The following BICC1 variants were observed in gnomAD, a reference collection of about 807,000 sequenced individuals.
BICC1 encodes protein bicaudal C homolog 1.
In BICC1, 43 loss-of-function variants were observed where a neutral mutation model predicts 111.0. That is an observed-to-expected ratio of 0.39 (90% CI 0.30 to 0.50). The LOEUF is 0.50. BICC1 is among the 20% of genes least tolerant of loss of function. The pLI is 0.88. For missense variants in BICC1, 1,091 were observed against 1,203.2 expected (o/e 0.91, Z 1.38); for synonymous variants, 467 against 434.4 (o/e 1.07, Z -0.93).
chr10:58,689,078 A>AAG (rs1324892255), intron 2 of BICC1, among the ~76,000 whole-genome samples: 1 of 152,162 alleles, frequency 6.6e-6, no homozygotes, highest in African/African-American at 2.4e-5. Context: ...GAAAGAAAGA[A>AAG]AGGTTTTTGG....
intron 2 of BICC1, among the ~76,000 whole-genome samples, chr10:58,693,195 A>C (rs541530443): frequency 1.3e-5 from 2 of 152,088 alleles, no homozygotes; most frequent in East Asian, 3.9e-4. Flanking sequence ...TGAACTCATC[A>C]TTTTTTATGG....
intron 4 of BICC1, among the ~76,000 whole-genome samples, chr10:58,786,640 G>A (rs1000411666): frequency 3.9e-5 from 6 of 152,134 alleles, no homozygotes; most frequent in African/African-American, 1.4e-4. Context: ...TTATTTAACT[G>A]TAGCTGACTT....
chr10:58,583,032 C>T (rs890575579), intron 1 of BICC1, among the ~76,000 whole-genome samples: 1 of 152,192 alleles, frequency 6.6e-6, no homozygotes, highest in African/African-American at 2.4e-5. Flanking sequence ...TCCACATATC[C>T]AACACAGAAT....
At chr10:58,743,820 A>G (rs773405171) in intron 3 of BICC1, among the ~76,000 whole-genome samples, 46 of 151,806 alleles carry the variant, frequency 3.0e-4, no homozygotes, top group Non-Finnish European at 5.1e-4. Flanking sequence ...CATGTTTTAA[A>G]AATAAAAATG....
chr10:58,646,285 G>A (rs951181527), intron 2 of BICC1, among the ~76,000 whole-genome samples: 2 of 152,182 alleles, frequency 1.3e-5, no homozygotes, highest in African/African-American at 4.8e-5. Context: ...TTGGGGCAAA[G>A]TGCTAATAAA....
chr10:58,724,369 A>G (rs968785054), intron 3 of BICC1, among the ~76,000 whole-genome samples: 2 of 152,106 alleles, frequency 1.3e-5, no homozygotes, highest in Non-Finnish European at 2.9e-5. Flanking sequence ...TGGATGAAAG[A>G]ACTCTGTGTC....
chr10:58,701,729 G>A (rs1358122046), intron 2 of BICC1, among the ~76,000 whole-genome samples: 7 of 152,228 alleles, frequency 4.6e-5, no homozygotes, highest in Admixed American at 3.9e-4. Context: ...TTGTCTTGGG[G>A]AATTTTATTC....
At position 58,518,277 on chromosome 10, in the gene BICC1, C is replaced by T. The variant is rs192898980; in HGVS notation, c.190+4944C>T. 2.0e-3 allele frequency among the ~76,000 whole-genome samples: 299 copies of T among 152,192 alleles called. 1 individual carries two copies. The highest frequency in any genetic ancestry group is 0.014 in the Middle Eastern group (4 of 292). ...TAAGTTGCTCTGAATTTGAGTCATT[C>T]ATTGGTGTGTAGAAAGAAGGTTTTT... On this transcript the variant is annotated intron_variant, in intron 1 of 20. Transcript: ENST00000373886.
intron 3 of BICC1, among the ~76,000 whole-genome samples, chr10:58,736,242 A>G (rs1357288837): frequency 6.6e-6 from 1 of 152,180 alleles, no homozygotes; most frequent in Non-Finnish European, 1.5e-5. Flanking sequence ...TTATATTACA[A>G]TACACTAGCC....
chr10:58,555,161 AT>A (rs1041465778), intron 1 of BICC1, among the ~76,000 whole-genome samples: 1 of 151,796 alleles, frequency 6.6e-6, no homozygotes, highest in Non-Finnish European at 1.5e-5. Context: ...CATTTTCGAG[AT>A]TTTTTCATAT....
chr10:58,727,328 T>A (rs970809652), intron 3 of BICC1, among the ~76,000 whole-genome samples: 1 of 152,210 alleles, frequency 6.6e-6, no homozygotes, highest in Non-Finnish European at 1.5e-5. Flanking sequence ...GGCTCATGCC[T>A]ATAGTCCCAG....
intron 1 of BICC1, among the ~76,000 whole-genome samples, chr10:58,524,039 T>G (rs1842463836): frequency 1.3e-5 from 2 of 151,952 alleles, no homozygotes; most frequent in South Asian, 2.1e-4. Flanking sequence ...CACTGCTCAA[T>G]GAAATAAAAG....
intron 3 of BICC1, among the ~76,000 whole-genome samples, chr10:58,702,461 A>T (rs1368999694): frequency 6.6e-6 from 1 of 151,856 alleles, no homozygotes; most frequent in Admixed American, 6.6e-5. Context: ...ATAAATTTCT[A>T]TTGTTTATAT....
intron 2 of BICC1, among the ~76,000 whole-genome samples, chr10:58,676,538 A>G (rs1839347471): frequency 6.6e-6 from 1 of 152,222 alleles, no homozygotes; most frequent in African/African-American, 2.4e-5. Flanking sequence ...GAAAGGCAAC[A>G]GCCCCAGTCA....
Position 58,786,987 on chromosome 10 carries a change from G to C in BICC1, c.452G>C (p.Gly151Ala). The change falls in exon 5 of 21, where the codon GGT (glycine) becomes GCT (alanine). Residue 151 changes from glycine (G) to alanine (A), a missense_variant. Coordinates refer to ENST00000373886, the MANE Select transcript of BICC1 (RefSeq NM_001080512.3). Reference sequence around the variant, plus strand: ...GAACATTCACATGTAATCGGCAAAGGTGGCAACAATATTAAAAAAGTGATG... The same window carrying C: ...GAACATTCACATGTAATCGGCAAAGCTGGCAACAATATTAAAAAAGTGATG... ...HTEHSHVIGK[G>A]GNNIKKVMEE... is the part of the protein sequence containing the mutation. 1 of 1,610,366 alleles carries C rather than the reference G, an allele frequency of 6.2e-7. No individual in the cohort carries two copies. The highest frequency in any genetic ancestry group is 8.5e-7 in the Non-Finnish European group (1 of 1,178,582).
chr10:58,802,977 C>CTGA, intron 14 of BICC1, 100 bp from the exon 15 acceptor site: 4 of 1,161,098 alleles, frequency 3.4e-6, no homozygotes, highest in Non-Finnish European at 4.7e-6. Context: ...GTGTAAATAG[C>CTGA]TGATGATGAT....
chr10:58,817,883 T>C (rs1844144734), intron 19 of BICC1, among the ~76,000 whole-genome samples, 161 bp downstream of exon 19: 1 of 152,218 alleles, frequency 6.6e-6, no homozygotes, highest in Non-Finnish European at 1.5e-5. Context: ...TCTCATTTCT[T>C]ATTTAGTGCA....
At chr10:58,616,285 G>T (rs182053298) in intron 1 of BICC1, among the ~76,000 whole-genome samples, 1 of 152,228 alleles carries the variant, frequency 6.6e-6, no homozygotes, top group African/African-American at 2.4e-5. Context: ...AGAACAGGGG[G>T]CCCCAACAAG....
intron 3 of BICC1, among the ~76,000 whole-genome samples, chr10:58,729,032 A>G (rs537604884): frequency 1.3e-5 from 2 of 152,252 alleles, no homozygotes; most frequent in Non-Finnish European, 2.9e-5. Flanking sequence ...ATTCTTGAGG[A>G]TTCTGGGATT....
Sources: gnomAD v4.1 joint callset for allele counts (sites outside exome capture counted in the v4.1 genomes callset) on GRCh38, gnomAD v4.1.1 for gene constraint, MANE v1.5 for transcripts, NCBI Gene and HGNC (gene_info 2026-07-23, HGNC 2026-07-21) for gene names.